Variants in PLEKHA8 observed in about 807,000 individuals in gnomAD.
PLEKHA8 encodes pleckstrin homology domain-containing family A member 8.
A neutral mutation model predicts 68.2 loss-of-function variants in PLEKHA8; 36 were observed. That is an observed-to-expected ratio of 0.53 (90% CI 0.40 to 0.70). The LOEUF is 0.70. PLEKHA8 is among the 30% of genes least tolerant of loss of function. The probability of loss-of-function intolerance (pLI) is 0.00; values close to 1 mark genes in which losing one functional copy is unlikely to be tolerated. For synonymous variants in PLEKHA8, 211 were observed against 216.1 expected (o/e 0.98, Z 0.20); for missense variants, 505 against 615.4 (o/e 0.82, Z 1.90).
chr7:30,117,698 A>AC (rs1425165316), intron 13 of PLEKHA8, among the ~76,000 whole-genome samples: 1 of 151,828 alleles, frequency 6.6e-6, no homozygotes, highest in African/African-American at 2.4e-5. Flanking sequence ...ACAGAGCAAG[A>AC]CCCCCCTCCA....
At chr7:30,126,379 G>A (rs960447401) in intron 13 of PLEKHA8, among the ~76,000 whole-genome samples, 1 of 152,194 alleles carries the variant, frequency 6.6e-6, no homozygotes, top group African/African-American at 2.4e-5. Flanking sequence ...AGATCTCTAG[G>A]ACTCCTTTTA....
chr7:30,032,914 C>A (rs1022545872), intron 1 of PLEKHA8, among the ~76,000 whole-genome samples: 4 of 152,228 alleles, frequency 2.6e-5, no homozygotes, highest in Non-Finnish European at 5.9e-5. Flanking sequence ...AAGCACATTG[C>A]ATTACTGCAT....
intron 6 of PLEKHA8, 123 bp downstream of exon 6, chr7:30,050,597 G>A: frequency 1.6e-6 from 2 of 1,269,500 alleles, no homozygotes; most frequent in Non-Finnish European, 2.1e-6. Context: ...TAATATGGAA[G>A]TAAACAATAT....
rs898583968 is a variant in PLEKHA8 at position 30,128,435 on chromosome 7, T to C, written c.1363-831T>C. On this transcript the variant is annotated intron_variant, in intron 13 of 13. Transcript: ENST00000396257. ...TGGTTTATTCTGTCTGGCACTCTTATGTTTTCATCTGTGGGTTAAGTCACA... is the reference window on the plus strand; with the variant it reads ...TGGTTTATTCTGTCTGGCACTCTTACGTTTTCATCTGTGGGTTAAGTCACA... 3.3e-5 allele frequency among the ~76,000 whole-genome samples: 5 copies of C among 152,236 alleles called. No homozygotes were observed. The East Asian group carries it at 5.8e-4, about 18-fold the overall frequency.
chr7:30,104,976 TCAGC>T (rs1796006318), intron 13 of PLEKHA8, among the ~76,000 whole-genome samples: 1 of 152,020 alleles, frequency 6.6e-6, no homozygotes, highest in Non-Finnish European at 1.5e-5. Context: ...TCCTCCTGTC[TCAGC>T]CTCCCAGAGT....
intron 1 of PLEKHA8, among the ~76,000 whole-genome samples, chr7:30,029,565 A>AT (rs1413499100): frequency 3.3e-5 from 5 of 152,118 alleles, no homozygotes; most frequent in Non-Finnish European, 7.3e-5. Context: ...CAGAACGATC[A>AT]TTTTTGTCAT....
Position 30,080,176 on chromosome 7 carries a change from A to ATTT in PLEKHA8, c.*1389_*1390insTTT. Reference sequence around the variant, plus strand: ...CATAGTTGAAAGATGAGACTTAAGAAAACAGTTTCTTAAACTTCTTAAAAC... The same window carrying ATTT: ...CATAGTTGAAAGATGAGACTTAAGAATTTAACAGTTTCTTAAACTTCTTAAAAC... On this transcript the variant is annotated 3_prime_UTR_variant, in exon 14 of 14. Transcript: ENST00000449726. The ATTT allele has an allele frequency of 1.0e-6, 1 of 985,326 alleles. No individual in the cohort carries two copies. The highest frequency in any genetic ancestry group is 1.7e-5 in the African/African-American group (1 of 57,352). The allele number at this position is 985,326 out of a possible 1,614,324, so 61.0% of individuals were successfully genotyped here.
chr7:30,032,260 G>A (rs1436065375), intron 1 of PLEKHA8, among the ~76,000 whole-genome samples: 2 of 152,218 alleles, frequency 1.3e-5, no homozygotes, highest in African/African-American at 4.8e-5. Context: ...AGGAGTCAGA[G>A]AGACCTGAAG....
intron 12 of PLEKHA8, 84 bp from the exon 13 acceptor site, chr7:30,073,987 T>C: frequency 8.5e-7 from 1 of 1,178,146 alleles, no homozygotes. Context: ...CCCTGTCTCT[T>C]TAAAAAAAAA....
In PLEKHA8 at chr7:30,117,954, G is replaced by A. The variant is rs749139374; in HGVS notation, c.1363-11312G>A. 6.6e-6 allele frequency: 10 copies of A among 1,514,616 alleles called. No individual in the cohort carries two copies. The South Asian group carries it at 1.1e-4, about 17-fold the overall frequency. The allele number at this position is 1,514,616 out of a possible 1,614,324, so 93.8% of individuals were successfully genotyped here. On this transcript the variant is annotated intron_variant, in intron 13 of 13. Coordinates refer to the PLEKHA8 transcript ENST00000396257. ...TAAAAAATTTAAAAACTGAGACGTGGATTCATTTCTAACAGGGACACACAA... is the reference window on the plus strand; with the variant it reads ...TAAAAAATTTAAAAACTGAGACGTGAATTCATTTCTAACAGGGACACACAA...
chr7:30,044,977 G>T (rs1791833788), intron 1 of PLEKHA8, 108 bp from the exon 2 acceptor site: 2 of 617,020 alleles, frequency 3.2e-6, no homozygotes, highest in South Asian at 6.8e-5. Flanking sequence ...GCAATGTAAA[G>T]CTCCTTGGAG....
chr7:30,116,603 A>C (rs1010660248), intron 13 of PLEKHA8, among the ~76,000 whole-genome samples: 1 of 152,234 alleles, frequency 6.6e-6, no homozygotes, highest in Admixed American at 6.5e-5. Context: ...CTAGAATCCT[A>C]ATTAACATTG....
Position 30,079,160 on chromosome 7 carries a change from T to C in PLEKHA8, c.*373T>C. On this transcript the variant is annotated 3_prime_UTR_variant, in exon 14 of 14. Coordinates refer to ENST00000449726, the MANE Select transcript of PLEKHA8 (RefSeq NM_001197026.2). Reference sequence around the variant, plus strand: ...GAAAATCAGCAAATTCCATATTAAGTACCATAATTCATAGCCAGTGTTTCA... The same window carrying C: ...GAAAATCAGCAAATTCCATATTAAGCACCATAATTCATAGCCAGTGTTTCA... 9.9e-7 allele frequency: 1 copy of C among 1,014,762 alleles called. No individual in the cohort carries two copies. Among genetic ancestry groups the C allele is most frequent in the Non-Finnish European group, 1.2e-6 (1 of 847,938 alleles). 62.9% of individuals were successfully genotyped at this position (1,014,762 alleles called of 1,614,324 possible). A position where few individuals can be genotyped will look rare whatever the true frequency, so the allele number is the denominator to read the frequency against.
At chr7:30,115,352 G>A (rs939594771) in intron 13 of PLEKHA8, among the ~76,000 whole-genome samples, 2 of 152,048 alleles carry the variant, frequency 1.3e-5, no homozygotes, top group Non-Finnish European at 2.9e-5. Context: ...GGAGGAAAAT[G>A]CAAACTACTC....
chr7:30,058,462 G>A (rs746472853), intron 9 of PLEKHA8, among the ~76,000 whole-genome samples: 3 of 145,530 alleles, frequency 2.1e-5, no homozygotes, highest in Non-Finnish European at 3.0e-5. Context: ...GAGGTAGGGA[G>A]TTGAGGTTCT....
chr7:30,102,935 C>T (rs535385148), intron 13 of PLEKHA8, among the ~76,000 whole-genome samples: 13 of 152,298 alleles, frequency 8.5e-5, no homozygotes, highest in African/African-American at 2.2e-4. Context: ...CTGGATGTGG[C>T]GGCTCATGCC....
downstream of PLEKHA8, among the ~76,000 whole-genome samples, chr7:30,094,353 C>G (rs1795525395): frequency 6.6e-6 from 1 of 151,412 alleles, no homozygotes; most frequent in South Asian, 2.1e-4. Context: ...CGGCTCACTG[C>G]AACCTCCACC....
chr7:30,044,717 T>C (rs1343627296), intron 1 of PLEKHA8, among the ~76,000 whole-genome samples: 1 of 152,198 alleles, frequency 6.6e-6, no homozygotes, highest in Non-Finnish European at 1.5e-5. Flanking sequence ...ATCCTAATTA[T>C]TCGTCTTAGA....
intron 13 of PLEKHA8, among the ~76,000 whole-genome samples, chr7:30,124,487 A>G (rs1317170628): frequency 6.6e-6 from 1 of 152,218 alleles, no homozygotes; most frequent in African/African-American, 2.4e-5. Context: ...CTTCGTTTAT[A>G]ACACTTGAGT....
Sources: gnomAD v4.1 joint callset for allele counts (sites outside exome capture counted in the v4.1 genomes callset) on GRCh38, gnomAD v4.1.1 for gene constraint, MANE v1.5 for transcripts, NCBI Gene and HGNC (gene_info 2026-07-23, HGNC 2026-07-21) for gene names.